HIBCH: variants seen among roughly 807,000 people sequenced by gnomAD.
HIBCH encodes 3-hydroxyisobutyryl-CoA hydrolase, mitochondrial.
In HIBCH, 50 loss-of-function variants were observed where a neutral mutation model predicts 58.2. That is an observed-to-expected ratio of 0.86 (90% confidence interval 0.68 to 1.09). The LOEUF is 1.09. Among genes scored for constraint, HIBCH ranks in the 50% least tolerant of loss-of-function variants. HIBCH has a pLI of 0.00. For synonymous variants in HIBCH, 151 were observed against 146.9 expected, an observed-to-expected ratio of 1.03 and a Z score of -0.20; for missense variants, 450 against 449.7, an observed-to-expected ratio of 1.00 and a Z score of -0.01.
chr2:190,259,319 A>ATATGTG (rs1356514373), intron 7 of HIBCH, among the ~76,000 whole-genome samples: 3 of 122,116 alleles, frequency 2.5e-5, no homozygotes, highest in African/African-American at 9.1e-5. Flanking sequence ...CAGTATACAG[A>ATATGTG]TGTGTGTGTG....
At chr2:190,288,854 G>A in intron 5 of HIBCH, among the ~76,000 whole-genome samples, 1 of 152,172 alleles carries the variant, frequency 6.6e-6, no homozygotes, top group Non-Finnish European at 1.5e-5. Flanking sequence ...GCTCATGTCT[G>A]TAATCCCAGT....
Position 190,304,319 on chromosome 2 carries a change from G to A in HIBCH, c.78+6435C>T, listed in dbSNP as rs1221092077. On this transcript the variant is annotated intron_variant, in intron 2 of 13. Coordinates refer to ENST00000359678, the MANE Select transcript of HIBCH (RefSeq NM_014362.4). The surrounding 1 kb of genome is among the most constrained non-coding windows in gnomAD (Gnocchi z 4.1). ...TGGAGGCTGATGTCCAAAGTCAAAAGGATACATCTAGTGAGGGCCTTCTTA... is the reference window on the plus strand; with the variant it reads ...TGGAGGCTGATGTCCAAAGTCAAAAAGATACATCTAGTGAGGGCCTTCTTA... 6.6e-6 allele frequency among the ~76,000 whole-genome samples: 1 copy of A among 151,786 alleles called. No homozygotes were observed. The highest frequency in any genetic ancestry group is 1.5e-5 in the Non-Finnish European group (1 of 67,998).
At chr2:190,300,671 T>C (rs4853691) in intron 2 of HIBCH, among the ~76,000 whole-genome samples, 23,945 of 152,170 alleles carry the variant, frequency 0.16, 2,695 homozygotes, top group East Asian at 0.39. Context: ...ATCTCATTTG[T>C]CAATTTTTGG....
In HIBCH at chr2:190,236,628, A is replaced by G. The variant is rs16832459; in HGVS notation, c.891+8259T>C. Reference sequence around the variant, plus strand: ...TATATTTTCACCAATCTGAAATGTCATATTACTATATAAAGACCAAAACAG... The same window carrying G: ...TATATTTTCACCAATCTGAAATGTCGTATTACTATATAAAGACCAAAACAG... On this transcript the variant is annotated intron_variant, in intron 11 of 13. Transcript: ENST00000359678. This position sits in a 1 kb window ranked among gnomAD's most constrained non-coding sequence, Gnocchi z 4.1. Among the ~76,000 whole-genome samples, 4,082 of 152,280 alleles carry G rather than the reference A, an allele frequency of 0.027. 97 individuals carry two copies. The highest frequency in any genetic ancestry group is 0.14 in the East Asian group (703 of 5,176).
chr2:190,227,498 C>A (rs544688055), intron 11 of HIBCH, among the ~76,000 whole-genome samples: 168 of 152,144 alleles, frequency 1.1e-3, no homozygotes, highest in South Asian at 3.9e-3. Context: ...ACCATTCAGG[C>A]CATAGGCATG....
At chr2:190,190,264 T>C (rs1219831971) in intron 1 of HIBCH, among the ~76,000 whole-genome samples, 1 of 152,202 alleles carries the variant, frequency 6.6e-6, no homozygotes, top group Non-Finnish European at 1.5e-5. Context: ...ACTACTATGA[T>C]TTCTATTCAT....
intron 6 of HIBCH, among the ~76,000 whole-genome samples, chr2:190,262,571 C>T (rs1459796607): frequency 6.6e-6 from 1 of 152,194 alleles, no homozygotes; most frequent in African/African-American, 2.4e-5. Flanking sequence ...CACTGCTGTC[C>T]CTGACTAGTC....
chr2:190,225,984 G>T (rs549257873), intron 11 of HIBCH, among the ~76,000 whole-genome samples: 2 of 150,830 alleles, frequency 1.3e-5, no homozygotes. Flanking sequence ...ATCAATAAAC[G>T]TAACAGACCC....
At chr2:190,291,035 C>T (rs188267305) in intron 4 of HIBCH, among the ~76,000 whole-genome samples, 50 of 152,188 alleles carry the variant, frequency 3.3e-4, no homozygotes, top group Admixed American at 2.6e-4. Flanking sequence ...TAATATATTG[C>T]AACAAGCTAC....
intron 2 of HIBCH, among the ~76,000 whole-genome samples, chr2:190,307,898 C>T (rs1212893898): frequency 6.6e-6 from 1 of 152,216 alleles, no homozygotes; most frequent in Non-Finnish European, 1.5e-5. Context: ...TTGGAAGGGT[C>T]ACCGTGAATG....
chr2:190,287,646 A>G lies in HIBCH; in HGVS notation c.386-8T>C, dbSNP rs1283294005. ...AAGGTTTCTGGCAAGAACCTGAAAG[A>G]AACAGAGCTGTAATTTTAGTTACAG... On this transcript the variant is annotated splice_region_variant and splice_polypyrimidine_tract_variant and intron_variant, in intron 5 of 13. Coordinates refer to ENST00000359678, the MANE Select transcript of HIBCH (RefSeq NM_014362.4). The G allele has an allele frequency of 3.7e-6, 6 of 1,605,500 alleles. No individual in the cohort carries two copies. The highest frequency in any genetic ancestry group is 5.1e-6 in the Non-Finnish European group (6 of 1,172,458).
rs1422247666 is a variant in HIBCH, at chr2:190,249,716, A to G, written c.674T>C (p.Leu225Ser). ...TTTCAAGGCTAACAAATCTTCCTCT[A>G]ACATGGCCAACTAAAGGGGAGGCAG... ...HFVDSEKLAM[L>S]EEDLLALKSP... Residue 225 changes from leucine to serine, a missense_variant, in exon 9 of 14, where the codon TTA becomes TCA. By Grantham distance (145) the Leu-to-Ser change is moderately radical. Coordinates refer to ENST00000359678, the MANE Select transcript of HIBCH (RefSeq NM_014362.4). 1 of 1,600,978 alleles carries G rather than the reference A, an allele frequency of 6.2e-7. No homozygotes were observed. The highest frequency in any genetic ancestry group is 8.6e-7 in the Non-Finnish European group (1 of 1,168,420).
intron 11 of HIBCH, among the ~76,000 whole-genome samples, chr2:190,244,296 T>C (rs1458694025): frequency 6.6e-6 from 1 of 152,240 alleles, no homozygotes; most frequent in Non-Finnish European, 1.5e-5. Context: ...GGTCCACGAA[T>C]GTCAATACCT....
At chr2:190,238,271 A>G (rs887515574) in intron 11 of HIBCH, among the ~76,000 whole-genome samples, 2 of 152,146 alleles carry the variant, frequency 1.3e-5, no homozygotes, top group African/African-American at 4.8e-5. Flanking sequence ...TGGTTGAACT[A>G]ATTTACACTC....
chr2:190,200,736 T>C (rs1480763372), downstream of HIBCH: 1 of 168,354 alleles, frequency 5.9e-6, no homozygotes, highest in African/African-American at 2.4e-5. Context: ...CCCTAACTAA[T>C]TACAGCTGTT....
rs34426558 is a variant in HIBCH, at chr2:190,304,977, TCTAA to T, written c.78+5773_78+5776del. Among the ~76,000 whole-genome samples the T allele has an allele frequency of 0.71, 107,122 of 151,580 alleles. 38,538 individuals are homozygous for T. The highest frequency in any genetic ancestry group is 0.75 in the South Asian group (3,622 of 4,814). The stretch of plus-strand genomic sequence containing the variant: ...ATCCTGGGTTCTAGCCTTAAGTCTC[TCTAA>T]CTGTGTGGTCTTGTGTAATCTTTAT... On this transcript the variant is annotated intron_variant, in intron 2 of 13. Transcript: ENST00000359678. This position sits in a 1 kb window ranked among gnomAD's most constrained non-coding sequence, Gnocchi z 4.1.
At chr2:190,257,321 A>G (rs1464958895) in intron 7 of HIBCH, among the ~76,000 whole-genome samples, 4 of 152,344 alleles carry the variant, frequency 2.6e-5, no homozygotes, top group Admixed American at 1.3e-4. Context: ...TTCCATACCC[A>G]CATCTCATAC....
intron 1 of HIBCH, among the ~76,000 whole-genome samples, chr2:190,312,309 G>A (rs1165876000): frequency 6.6e-6 from 1 of 152,196 alleles, no homozygotes; most frequent in African/African-American, 2.4e-5. Flanking sequence ...AATGACAGAT[G>A]TGCAAATAAA....
intron 1 of HIBCH, among the ~76,000 whole-genome samples, chr2:190,317,061 A>T (rs1462712076): frequency 6.6e-6 from 1 of 152,194 alleles, no homozygotes; most frequent in Non-Finnish European, 1.5e-5. Context: ...GGATAGGCGT[A>T]TGCCACCATA....
Sources: allele counts gnomAD v4.1 joint callset (sites outside exome capture counted in the v4.1 genomes callset), GRCh38; gene constraint gnomAD v4.1.1; non-coding constraint Gnocchi (gnomAD v3.1); transcripts MANE v1.5; gene names NCBI Gene and HGNC (gene_info 2026-07-23, HGNC 2026-07-21).